Variants in LAMA3 observed in about 807,000 individuals in gnomAD.
LAMA3 encodes laminin subunit alpha-3.
LAMA3 carries 281 observed loss-of-function variants against 402.0 expected under a neutral mutation model. The observed-to-expected ratio is 0.70, with a 90% CI of 0.63 to 0.77. LAMA3 has a LOEUF of 0.77. LAMA3 is among the 30% of genes least tolerant of loss of function. LAMA3 has a pLI of 0.00. For synonymous variants in LAMA3, 1,431 were observed against 1,558.4 expected (o/e 0.92, Z 1.93); for missense variants, 3,840 against 4,215.5 (o/e 0.91, Z 2.47).
chr18:23,939,983 G>A (rs932843538), intron 68 of LAMA3, among the ~76,000 whole-genome samples: 2 of 152,148 alleles, frequency 1.3e-5, no homozygotes, highest in Admixed American at 6.5e-5. Context: ...AGAATTGCCC[G>A]GGGGGCTAAA....
chr18:23,870,061 C>A (rs1407433242), intron 37 of LAMA3, among the ~76,000 whole-genome samples: 2 of 150,444 alleles, frequency 1.3e-5, no homozygotes, highest in Non-Finnish European at 3.0e-5. Context: ...TTGCAGCACT[C>A]TGGGAGGCTG....
intron 32 of LAMA3, among the ~76,000 whole-genome samples, chr18:23,855,344 A>G (rs1193644796): frequency 6.6e-6 from 1 of 152,204 alleles, no homozygotes; most frequent in Non-Finnish European, 1.5e-5. Context: ...ACGTCGGGCC[A>G]TCTCCAATGG....
At chr18:23,829,316 T>C (rs1033456207) in intron 23 of LAMA3, among the ~76,000 whole-genome samples, 3 of 152,268 alleles carry the variant, frequency 2.0e-5, no homozygotes, top group Admixed American at 6.5e-5. Context: ...CTGATTATTT[T>C]GTTACCTGTC....
At chr18:23,700,727 TCA>T (rs2060776953) in intron 1 of LAMA3, among the ~76,000 whole-genome samples, 1 of 152,110 alleles carries the variant, frequency 6.6e-6, no homozygotes, top group Non-Finnish European at 1.5e-5. Context: ...AGGCACAATC[TCA>T]CTCTGTCGCC....
At chr18:23,916,838 T>A in intron 60 of LAMA3, 143 bp downstream of exon 60, 1 of 865,412 alleles carries the variant, frequency 1.2e-6, no homozygotes, top group East Asian at 2.6e-5. Context: ...TCCACCCAGT[T>A]GTACTTTCTG....
At chr18:23,812,963 T>C in intron 13 of LAMA3, 94 bp from the exon 14 acceptor site, 1 of 855,208 alleles carries the variant, frequency 1.2e-6, no homozygotes, top group African/African-American at 1.7e-5. Context: ...GTAGATACAC[T>C]ATTTTTGAAA....
At chr18:23,814,367 C>A in intron 14 of LAMA3, 36 bp from the exon 15 acceptor site, 1 of 1,432,756 alleles carries the variant, frequency 7.0e-7, no homozygotes, top group Non-Finnish European at 9.9e-7. Flanking sequence ...GTCTTAATTC[C>A]AAGATGTCAA....
At chr18:23,837,112 G>A (rs749486575) in intron 25 of LAMA3, 23 bp downstream of exon 25, 1 of 1,520,050 alleles carries the variant, frequency 6.6e-7, no homozygotes, top group East Asian at 2.3e-5. Flanking sequence ...TTTGCCCATT[G>A]AATTTTAGAA....
intron 66 of LAMA3, 135 bp from the exon 67 acceptor site, chr18:23,933,647 T>C: frequency 1.2e-6 from 1 of 809,056 alleles, no homozygotes; most frequent in South Asian, 1.5e-5. Context: ...TCTATCTAAC[T>C]GCATTTTTGT....
At chr18:23,892,388 CTT>C (rs577413895) in intron 42 of LAMA3, among the ~76,000 whole-genome samples, 1 of 146,352 alleles carries the variant, frequency 6.8e-6, no homozygotes, top group South Asian at 2.2e-4. Flanking sequence ...GTTTTTTATT[CTT>C]TTTTTTTTTC....
intron 55 of LAMA3, among the ~76,000 whole-genome samples, chr18:23,911,210 C>T (rs926991743): frequency 6.6e-6 from 1 of 152,052 alleles, no homozygotes; most frequent in Non-Finnish European, 1.5e-5. Flanking sequence ...GAGAGAGAGG[C>T]GTGAAATGAG....
At chr18:23,931,254 G>C in intron 65 of LAMA3, 53 bp downstream of exon 65, 4 of 1,557,468 alleles carry the variant, frequency 2.6e-6, no homozygotes, top group Non-Finnish European at 3.5e-6. Context: ...ACTCTCTTTC[G>C]TTTAATGGAA....
chr18:23,854,431 G>A (rs1378332140), intron 32 of LAMA3, among the ~76,000 whole-genome samples: 2 of 152,106 alleles, frequency 1.3e-5, no homozygotes, highest in Admixed American at 6.5e-5. Context: ...AACGAGGTCA[G>A]GAGATCGAGA....
intron 62 of LAMA3, 21 bp downstream of exon 62, chr18:23,921,606 C>A: frequency 6.2e-7 from 1 of 1,612,814 alleles, no homozygotes; most frequent in Non-Finnish European, 8.5e-7. Flanking sequence ...TTTTTTAAAA[C>A]GAGATTTAAA....
intron 58 of LAMA3, among the ~76,000 whole-genome samples, 154 bp from the exon 59 acceptor site, chr18:23,915,135 C>G (rs1044654806): frequency 1.3e-5 from 2 of 152,322 alleles, no homozygotes; most frequent in Non-Finnish European, 2.9e-5. Flanking sequence ...CACAGTCATA[C>G]AGCTAGTAAA....
intron 15 of LAMA3, 62 bp from the exon 16 acceptor site, chr18:23,815,126 C>T (rs2063150381): frequency 2.0e-6 from 3 of 1,468,414 alleles, no homozygotes; most frequent in Non-Finnish European, 2.9e-6. Flanking sequence ...TGTAATGTTC[C>T]CAGAGCCAGG....
chr18:23,824,222 G>A (rs1313602779), intron 20 of LAMA3, among the ~76,000 whole-genome samples: 1 of 152,146 alleles, frequency 6.6e-6, no homozygotes. Context: ...CATTGCTGAT[G>A]TCTTATCAGT....
intron 39 of LAMA3, among the ~76,000 whole-genome samples, chr18:23,877,798 G>T (rs570363912): frequency 6.6e-6 from 1 of 152,180 alleles, no homozygotes; most frequent in South Asian, 2.1e-4. Flanking sequence ...TGTGTAACAC[G>T]AGTAGATGCT....
chr18:23,802,062 C>T (rs2062875236), intron 12 of LAMA3, among the ~76,000 whole-genome samples: 1 of 152,184 alleles, frequency 6.6e-6, no homozygotes, highest in Non-Finnish European at 1.5e-5. Flanking sequence ...AGTTGAGCAT[C>T]CCAAATACAA....
Sources: gnomAD v4.1 joint callset for allele counts (sites outside exome capture counted in the v4.1 genomes callset) on GRCh38, gnomAD v4.1.1 for gene constraint, MANE v1.5 for transcripts, NCBI Gene and HGNC (gene_info 2026-07-23, HGNC 2026-07-21) for gene names.